AGAP1: variants seen among roughly 807,000 people sequenced by gnomAD.
AGAP1 encodes arf-GAP with GTPase, ANK repeat and PH domain-containing protein 1.
A neutral mutation model predicts 105.3 loss-of-function variants in AGAP1; 29 were observed. The observed-to-expected ratio is 0.28, with a 90% CI of 0.21 to 0.38. The LOEUF (loss-of-function observed/expected upper bound fraction) is 0.38, where lower values mean the gene tolerates loss of function less well. Ranked by LOEUF, AGAP1 falls within the 10% of genes least tolerant of loss-of-function variation. The probability of loss-of-function intolerance (pLI) is 1.00; values close to 1 mark genes in which losing one functional copy is unlikely to be tolerated. For missense variants in AGAP1, 998 were observed against 1,165.1 expected (o/e 0.86, Z 2.09); for synonymous variants, 509 against 485.9 (o/e 1.05, Z -0.63).
intron 16 of AGAP1, among the ~76,000 whole-genome samples, chr2:236,068,135 T>C (rs11693021): frequency 0.033 from 5,092 of 152,132 alleles, 112 homozygotes; most frequent in Non-Finnish European, 0.043. Context: ...AGCTGGGCGT[T>C]GTGGCATGTG....
chr2:235,830,269 A>G lies in AGAP1; in HGVS notation c.1050+22938A>G, dbSNP rs1959214956. Among the ~76,000 whole-genome samples the G allele has an allele frequency of 6.6e-6, 1 of 152,044 alleles. No homozygotes were observed. Among genetic ancestry groups the G allele is most frequent in the Non-Finnish European group, 1.5e-5 (1 of 68,018 alleles). ...GTCACCGTTTGAGTGCCCGTGGAGG[A>G]TTGGTTTACTTAGTAAATTCGTTGT... is the stretch of plus-strand genomic sequence containing the variant. On this transcript the variant is annotated intron_variant, in intron 9 of 17. Transcript: ENST00000304032. This position sits in a 1 kb window ranked among gnomAD's most constrained non-coding sequence, Gnocchi z 5.5.
Position 235,588,512 on chromosome 2 carries a change from T to C in AGAP1, c.163+93663T>C, listed in dbSNP as rs188729057. 5.1e-4 allele frequency among the ~76,000 whole-genome samples: 78 copies of C among 152,244 alleles called. 1 individual carries two copies. In the East Asian group the frequency reaches 0.014, roughly 27 times the overall value. The stretch of plus-strand genomic sequence containing the variant: ...CTACACCCTGGTCATATCTGGCCTC[T>C]CACACTTAACCCCTCCAAATAGTAA... On this transcript the variant is annotated intron_variant, in intron 1 of 17. Coordinates refer to ENST00000304032, the MANE Select transcript of AGAP1 (RefSeq NM_001037131.3).
At chr2:235,686,638 TATATATAG>T (rs1559350743) in intron 1 of AGAP1, among the ~76,000 whole-genome samples, 1,097 of 49,194 alleles carry the variant, frequency 0.022, 31 homozygotes, top group Middle Eastern at 0.033. Flanking sequence ...TATATATATA[TATATATAG>T]ATATATATAT....
intron 12 of AGAP1, among the ~76,000 whole-genome samples, chr2:235,939,370 C>T (rs376299580): frequency 2.6e-5 from 4 of 151,980 alleles, no homozygotes; most frequent in African/African-American, 9.7e-5. Context: ...GCATCCCTTC[C>T]ACCTCTGAAC....
rs2049059111 is a variant in AGAP1 at position 235,864,337 on chromosome 2, G to T, written c.1051-19008G>T. Among the ~76,000 whole-genome samples the T allele has an allele frequency of 6.6e-6, 1 of 152,246 alleles. No homozygotes were observed. The highest frequency in any genetic ancestry group is 2.1e-4 in the South Asian group (1 of 4,832). Reference sequence around the variant, plus strand: ...CTGTGGCCGGCCTGGAGGCCTGGGTGTGCTTCCTAGGCAGGCAGTTGGATT... The same window carrying T: ...CTGTGGCCGGCCTGGAGGCCTGGGTTTGCTTCCTAGGCAGGCAGTTGGATT... On this transcript the variant is annotated intron_variant, in intron 9 of 17. Coordinates refer to ENST00000304032, the MANE Select transcript of AGAP1 (RefSeq NM_001037131.3). The surrounding 1 kb of genome is among the most constrained non-coding windows in gnomAD (Gnocchi z 5.0).
rs1157894939 is a variant in AGAP1 at position 235,752,574 on chromosome 2, C to T, written c.673+2086C>T. Reference sequence around the variant, plus strand: ...CAGCTGTGACAGCAGAGATGAGGGTCTTTGCGGCCTGAGAAGCCCAGAATA... The same window carrying T: ...CAGCTGTGACAGCAGAGATGAGGGTTTTTGCGGCCTGAGAAGCCCAGAATA... On this transcript the variant is annotated intron_variant, in intron 6 of 17. Coordinates refer to ENST00000304032, the MANE Select transcript of AGAP1 (RefSeq NM_001037131.3). The surrounding 1 kb of genome is among the most constrained non-coding windows in gnomAD (Gnocchi z 4.3). Among the ~76,000 whole-genome samples the T allele has an allele frequency of 2.0e-5, 3 of 152,114 alleles. No homozygotes were observed. Among genetic ancestry groups the T allele is most frequent in the African/African-American group, 7.2e-5 (3 of 41,426 alleles).
At chr2:235,627,419 T>C (rs1409168706) in intron 1 of AGAP1, among the ~76,000 whole-genome samples, 12 of 152,052 alleles carry the variant, frequency 7.9e-5, no homozygotes, top group Non-Finnish European at 1.6e-4. Context: ...GAGACAGGAT[T>C]TCGTCATGTT....
chr2:235,561,893 C>A (rs1944164594), intron 1 of AGAP1, among the ~76,000 whole-genome samples: 1 of 152,158 alleles, frequency 6.6e-6, no homozygotes, highest in Admixed American at 6.5e-5. Flanking sequence ...AGTTGGACTT[C>A]TGTCATATTT....
At position 236,082,006 on chromosome 2, in the gene AGAP1, G is replaced by C. The variant is rs932845148; in HGVS notation, c.2114+32725G>C. Among the ~76,000 whole-genome samples the C allele has an allele frequency of 6.6e-6, 1 of 152,112 alleles. No homozygotes were observed. Among genetic ancestry groups the C allele is most frequent in the Non-Finnish European group, 1.5e-5 (1 of 68,024 alleles). ...AATTTAGAGACAGGAAATATAGCAC[G>C]CCTAGTCACTAATCCAAAAGGAATG... On this transcript the variant is annotated intron_variant, in intron 16 of 17. Transcript: ENST00000304032. The surrounding 1 kb of genome is among the most constrained non-coding windows in gnomAD (Gnocchi z 4.2).
intron 1 of AGAP1, among the ~76,000 whole-genome samples, chr2:235,529,355 T>A (rs375010291): frequency 6.6e-6 from 1 of 152,236 alleles, no homozygotes; most frequent in Non-Finnish European, 1.5e-5. Context: ...TGACCTCTTA[T>A]AATAATTTAC....
intron 8 of AGAP1, among the ~76,000 whole-genome samples, chr2:235,802,839 T>TGTGATGGTGATG (rs1957580104): frequency 7.7e-6 from 1 of 130,288 alleles, no homozygotes; most frequent in African/African-American, 2.9e-5. Flanking sequence ...TGATGATGGT[T>TGTGATGGTGATG]ATGGTTGTGA....
rs980574343 is a variant in AGAP1 at position 236,020,395 on chromosome 2, C to A, written c.1646-16166C>A. Among the ~76,000 whole-genome samples the A allele has an allele frequency of 1.3e-5, 2 of 152,200 alleles. No individual in the cohort carries two copies. The highest frequency in any genetic ancestry group is 4.8e-5 in the African/African-American group (2 of 41,450). ...CATAGGGGGGAATTTAGAAATGAAA[C>A]TTAACCTGTTATCTAGACTTTTAAA... On this transcript the variant is annotated intron_variant, in intron 13 of 17. Coordinates refer to ENST00000304032, the MANE Select transcript of AGAP1 (RefSeq NM_001037131.3). The surrounding 1 kb of genome is among the most constrained non-coding windows in gnomAD (Gnocchi z 5.0).
At chr2:235,856,063 A>G (rs888602342) in intron 9 of AGAP1, among the ~76,000 whole-genome samples, 1 of 152,062 alleles carries the variant, frequency 6.6e-6, no homozygotes, top group Non-Finnish European at 1.5e-5. Flanking sequence ...GCAAGCATCT[A>G]CCACCACACC....
At chr2:236,086,397 C>T (rs2125853743) in intron 16 of AGAP1, among the ~76,000 whole-genome samples, 1 of 152,246 alleles carries the variant, frequency 6.6e-6, no homozygotes, top group Non-Finnish European at 1.5e-5. Context: ...AGTGTAGTTG[C>T]ACAGTGTATA....
chr2:235,927,417 A>G lies in AGAP1; in HGVS notation c.1325-3348A>G, dbSNP rs2052506433. Reference sequence around the variant, plus strand: ...CTTGTCCTTGTATTTTGATGGACAGACAGAAGTTTGAAAACCAGTACATTC... The same window carrying G: ...CTTGTCCTTGTATTTTGATGGACAGGCAGAAGTTTGAAAACCAGTACATTC... On this transcript the variant is annotated intron_variant, in intron 11 of 17. Transcript: ENST00000304032. This position sits in a 1 kb window ranked among gnomAD's most constrained non-coding sequence, Gnocchi z 4.4. Among the ~76,000 whole-genome samples the G allele has an allele frequency of 6.6e-6, 1 of 152,214 alleles. No individual in the cohort carries two copies. Among genetic ancestry groups the G allele is most frequent in the Non-Finnish European group, 1.5e-5 (1 of 68,034 alleles).
chr2:235,813,846 T>G (rs1431744494), intron 9 of AGAP1, among the ~76,000 whole-genome samples: 1 of 152,004 alleles, frequency 6.6e-6, no homozygotes, highest in African/African-American at 2.4e-5. Flanking sequence ...GTTTAATGAG[T>G]GGTGCCAGTA....
rs546087732 is a variant in AGAP1 at position 235,652,051 on chromosome 2, G to A, written c.164-57128G>A. Among the ~76,000 whole-genome samples, 3 of 152,158 alleles carry A rather than the reference G, an allele frequency of 2.0e-5. No homozygotes were observed. The South Asian group carries it at 6.2e-4, about 32-fold the overall frequency. ...TGATGGTTATAATTGAGAAATACAG[G>A]ATATTGCAAACCCTAGACCATATCG... On this transcript the variant is annotated intron_variant, in intron 1 of 17. Coordinates refer to ENST00000304032, the MANE Select transcript of AGAP1 (RefSeq NM_001037131.3).
chr2:235,786,604 C>T (rs1043678482), intron 6 of AGAP1, among the ~76,000 whole-genome samples: 5 of 152,098 alleles, frequency 3.3e-5, no homozygotes, highest in African/African-American at 1.2e-4. Context: ...AAATTTTTAT[C>T]GAGATTGTTG....
intron 1 of AGAP1, among the ~76,000 whole-genome samples, chr2:235,679,931 TATG>T (rs1200590123): frequency 2.6e-5 from 4 of 152,254 alleles, no homozygotes; most frequent in East Asian, 3.9e-4. Context: ...AGGTTTCTAA[TATG>T]ATGCGAATGG....
Sources: allele counts gnomAD v4.1 joint callset (sites outside exome capture counted in the v4.1 genomes callset), GRCh38; gene constraint gnomAD v4.1.1; non-coding constraint Gnocchi (gnomAD v3.1); transcripts MANE v1.5; gene names NCBI Gene and HGNC (gene_info 2026-07-23, HGNC 2026-07-21).